RAD18: variants seen among roughly 807,000 people sequenced by gnomAD.
RAD18 encodes E3 ubiquitin-protein ligase RAD18.
Under a neutral mutation model 60.4 loss-of-function variants are expected in RAD18, and 47 were observed. The ratio of observed to expected loss-of-function variants is 0.78; its 90% confidence interval spans 0.62 to 0.99. RAD18 has a LOEUF of 0.99. RAD18 is among the 50% of genes least tolerant of loss of function. The probability of loss-of-function intolerance (pLI) is 0.00; values close to 1 mark genes in which losing one functional copy is unlikely to be tolerated. For missense variants in RAD18, 640 were observed against 593.3 expected (o/e 1.08, Z -0.82); for synonymous variants, 225 against 195.5 (o/e 1.15, Z -1.26).
At chr3:8,881,744 CA>C (rs1245420722) in intron 12 of RAD18, among the ~76,000 whole-genome samples, 1 of 152,114 alleles carries the variant, frequency 6.6e-6, no homozygotes. Flanking sequence ...AAACGGCAAA[CA>C]AAAAGCTGCT....
intron 2 of RAD18, among the ~76,000 whole-genome samples, chr3:8,956,750 T>TA (rs59945420): frequency 1.3e-4 from 18 of 137,762 alleles, no homozygotes; most frequent in Admixed American, 7.5e-4. Context: ...ATTCATGATT[T>TA]AAAAAAAAAA....
At chr3:8,890,552 A>C in intron 11 of RAD18, 101 bp from the exon 12 acceptor site, 1 of 843,204 alleles carries the variant, frequency 1.2e-6, no homozygotes, top group South Asian at 1.8e-5. Flanking sequence ...ATAGTGACAG[A>C]AAGCAAACCA....
At chr3:8,953,879 A>C (rs1372463787) in intron 2 of RAD18, among the ~76,000 whole-genome samples, 1 of 152,204 alleles carries the variant, frequency 6.6e-6, no homozygotes, top group Non-Finnish European at 1.5e-5. Context: ...GTGTAGAAGT[A>C]AAAAGCAATT....
chr3:8,944,899 A>G (rs773309944), intron 4 of RAD18, among the ~76,000 whole-genome samples: 21 of 152,234 alleles, frequency 1.4e-4, no homozygotes, highest in Non-Finnish European at 2.6e-4. Context: ...TGGCTAAACA[A>G]TAAACTGTAG....
At position 8,902,314 on chromosome 3, in the gene RAD18, A is replaced by AT. The variant is rs1939925376; in HGVS notation, c.1168+65dup. ...CTCCAAAGTAAATTTCTTTGGTTTA[A>AT]TTTTTTCATATTAAAAGTAAATAAT... On this transcript the variant is annotated intron_variant, in intron 10 of 12. Coordinates refer to ENST00000264926, the MANE Select transcript of RAD18 (RefSeq NM_020165.4). 4.4e-6 allele frequency: 6 copies of AT among 1,352,862 alleles called. No homozygotes were observed. The South Asian group carries it at 9.0e-5, about 20-fold the overall frequency. 83.8% of individuals were successfully genotyped at this position (1,352,862 alleles called of 1,614,324 possible). A position where few individuals can be genotyped will look rare whatever the true frequency, so the allele number is the denominator to read the frequency against.
intron 3 of RAD18, 118 bp from the exon 4 acceptor site, chr3:8,947,408 T>A: frequency 1.3e-6 from 1 of 748,610 alleles, no homozygotes; most frequent in Non-Finnish European, 2.3e-6. Flanking sequence ...CTAAGTCTTC[T>A]AAGGCAGCCT....
rs558639766 is a variant in RAD18, at chr3:8,912,362, A to G, written c.977T>C (p.Phe326Ser). ...TTCCTTTTCTGTTTGGTCCTTTGTAAAAACCATTACCTAAAATAATCAAAA... is the reference window on the plus strand; with the variant it reads ...TTCCTTTTCTGTTTGGTCCTTTGTAGAAACCATTACCTAAAATAATCAAAA... The part of the protein sequence containing the change: ...ASKLNESVMV[F>S]TKDQTEKEID... The change falls in exon 9 of 13, where the codon TTT becomes TCT. Residue 326 changes from phenylalanine (F) to serine (S), a missense_variant. By Grantham distance (155) the Phe-to-Ser change is radical. Coordinates refer to ENST00000264926, the MANE Select transcript of RAD18 (RefSeq NM_020165.4). The G allele has an allele frequency of 3.6e-5, 56 of 1,563,776 alleles. No individual in the cohort carries two copies. In the Admixed American group the frequency reaches 9.4e-4, roughly 26 times the overall value.
chr3:8,890,585 A>T, intron 11 of RAD18, 134 bp from the exon 12 acceptor site: 1 of 591,484 alleles, frequency 1.7e-6, no homozygotes, highest in Non-Finnish European at 2.9e-6. Context: ...AAGAGGAAGG[A>T]GGGAGAGTGG....
chr3:8,910,101 C>G (rs551593659), intron 9 of RAD18, among the ~76,000 whole-genome samples: 2 of 152,228 alleles, frequency 1.3e-5, no homozygotes, highest in Admixed American at 6.5e-5. Context: ...CATGTATTAA[C>G]AGAAGGCAAA....
At chr3:8,947,569 G>T (rs1231150942) in intron 3 of RAD18, among the ~76,000 whole-genome samples, 1 of 152,156 alleles carries the variant, frequency 6.6e-6, no homozygotes, top group Non-Finnish European at 1.5e-5. Context: ...ATATAAGCAA[G>T]AATCTTTCTT....
At chr3:8,893,609 T>C (rs1252646110) in intron 11 of RAD18, among the ~76,000 whole-genome samples, 4 of 152,086 alleles carry the variant, frequency 2.6e-5, no homozygotes, top group Non-Finnish European at 5.9e-5. Flanking sequence ...CATTCAATTA[T>C]GACAATGACG....
intron 7 of RAD18, among the ~76,000 whole-genome samples, chr3:8,931,962 A>T (rs879267504): frequency 9.2e-5 from 14 of 152,224 alleles, no homozygotes; most frequent in Non-Finnish European, 1.6e-4. Flanking sequence ...ATAAACTTTG[A>T]CATTTGACAT....
chr3:8,881,598 GTTATTA>G (rs1256961018), intron 12 of RAD18, 139 bp from the exon 13 acceptor site: 7 of 637,182 alleles, frequency 1.1e-5, no homozygotes, highest in African/African-American at 3.7e-5. Flanking sequence ...ATTCATAATT[GTTATTA>G]TTAGTATTTC....
At chr3:8,915,607 T>A (rs1703125) in intron 7 of RAD18, among the ~76,000 whole-genome samples, 103,156 of 147,630 alleles carry the variant, frequency 0.7, 36,554 homozygotes, top group Middle Eastern at 0.77. Context: ...TTTTTGAGAC[T>A]GAGTCTCGCT....
intron 11 of RAD18, among the ~76,000 whole-genome samples, chr3:8,898,035 G>A (rs370342): frequency 0.57 from 87,249 of 151,788 alleles, 27,486 homozygotes; most frequent in Middle Eastern, 0.71. Flanking sequence ...TCGCACCACC[G>A]CACTCCAGGC....
At chr3:8,915,560 T>C (rs1044373479) in intron 7 of RAD18, among the ~76,000 whole-genome samples, 1 of 151,368 alleles carries the variant, frequency 6.6e-6, no homozygotes, top group African/African-American at 2.4e-5. Context: ...ACAGCGGGCA[T>C]CACATCCATT....
In RAD18 at chr3:8,941,741, C is replaced by A. The variant is rs1940751413; in HGVS notation, c.330G>T (p.Lys110Asn). 1 of 1,614,080 alleles carries A rather than the reference C, an allele frequency of 6.2e-7. No individual in the cohort carries two copies. Among genetic ancestry groups the A allele is most frequent in the Non-Finnish European group, 8.5e-7 (1 of 1,179,984 alleles). The part of the protein sequence containing the change: ...PAKSPASSSS[K>N]NLAVKVYTPV... Reference sequence around the variant, plus strand: ...GAGTATATACTTTGACAGCAAGATTCTTTGAAGAGGAAGAAGCAGGAGATT... The same window carrying A: ...GAGTATATACTTTGACAGCAAGATTATTTGAAGAGGAAGAAGCAGGAGATT... Residue 110 changes from lysine to asparagine, a missense_variant, in exon 5 of 13, where the codon AAG becomes AAT. Coordinates refer to ENST00000264926, the MANE Select transcript of RAD18 (RefSeq NM_020165.4).
intron 11 of RAD18, among the ~76,000 whole-genome samples, chr3:8,892,496 C>G (rs1215997841): frequency 6.6e-6 from 1 of 152,112 alleles, no homozygotes; most frequent in Non-Finnish European, 1.5e-5. Context: ...TTTAGAACAC[C>G]TGCAATTTAT....
chr3:8,937,211 G>A (rs1365031716), intron 6 of RAD18, among the ~76,000 whole-genome samples: 2 of 152,148 alleles, frequency 1.3e-5, no homozygotes, highest in Non-Finnish European at 2.9e-5. Flanking sequence ...GTTTACAGAA[G>A]CACACAGGGA....
Sources: allele counts gnomAD v4.1 joint callset (sites outside exome capture counted in the v4.1 genomes callset), GRCh38; gene constraint gnomAD v4.1.1; transcripts MANE v1.5; gene names NCBI Gene and HGNC (gene_info 2026-07-23, HGNC 2026-07-21).